SCN9A: variants seen among roughly 807,000 people sequenced by gnomAD.
SCN9A encodes the protein sodium voltage-gated channel alpha subunit 9.
In SCN9A, 131 loss-of-function variants were observed where a neutral mutation model predicts 187.0. The observed-to-expected ratio is 0.70, with a 90% confidence interval of 0.61 to 0.81. The LOEUF is 0.81. Ranked by LOEUF, SCN9A falls within the 30% of genes least tolerant of loss-of-function variation. SCN9A has a pLI of 0.00. For missense variants in SCN9A, 2,252 were observed against 2,396.6 expected, an observed-to-expected ratio of 0.94 and a Z score of 1.26; for synonymous variants, 809 against 808.6, an observed-to-expected ratio of 1.00 and a Z score of -0.01.
chr2:166,258,127 G>A (rs1484020388), intron 17 of SCN9A, among the ~76,000 whole-genome samples: 2 of 151,360 alleles, frequency 1.3e-5, no homozygotes, highest in Non-Finnish European at 3.0e-5. Context: ...TTATAAAAAG[G>A]AGTCAAGATT....
chr2:166,280,609 G>T lies in SCN9A; in HGVS notation c.2105-14C>A, dbSNP rs6432893. The T allele has an allele frequency of 2.7e-6, 4 of 1,496,568 alleles. No homozygotes were observed. Among genetic ancestry groups the T allele is most frequent in the Non-Finnish European group, 3.6e-6 (4 of 1,097,030 alleles). The allele number at this position is 1,496,568 out of a possible 1,614,324, so 92.7% of individuals were successfully genotyped here. ...ACTCTTCAAGTTCTGGGAGAAAAAA[G>T]CAGAGAACATGGAGTCAGCCATTTG... On this transcript the variant is annotated splice_polypyrimidine_tract_variant and intron_variant, in intron 13 of 26. Coordinates refer to ENST00000642356, the MANE Select transcript of SCN9A (RefSeq NM_001365536.1).
At chr2:166,250,292 A>G (rs1330847366) in intron 18 of SCN9A, among the ~76,000 whole-genome samples, 1 of 152,178 alleles carries the variant, frequency 6.6e-6, no homozygotes, top group Non-Finnish European at 1.5e-5. Context: ...AGTCATTAGC[A>G]TCTGTGCTAT....
In SCN9A at chr2:166,353,525, T is replaced by A. The variant is rs952463; in HGVS notation, c.-51+22172A>T. On this transcript the variant is annotated intron_variant, in intron 1 of 26. Transcript: ENST00000642356. ...GCAGTCTACATTCCAGCTACATTAT[T>A]CTACGTTTAATTTCCCCAAAGGTCA... Among the ~76,000 whole-genome samples, 586 of 152,312 alleles carry A rather than the reference T, an allele frequency of 3.8e-3. 17 individuals carry two copies. In the East Asian group the frequency reaches 0.076, roughly 20 times the overall value.
chr2:166,357,935 CCCCA>C (rs1700188827), intron 1 of SCN9A, among the ~76,000 whole-genome samples: 2 of 152,068 alleles, frequency 1.3e-5, no homozygotes, highest in South Asian at 4.1e-4. Context: ...TCCATGCTCT[CCCCA>C]AACAATGTGT....
At chr2:166,358,282 C>A (rs1176487601) in intron 1 of SCN9A, among the ~76,000 whole-genome samples, 1 of 151,888 alleles carries the variant, frequency 6.6e-6, no homozygotes, top group African/African-American at 2.4e-5. Flanking sequence ...GTTGGCCAGG[C>A]TGGTCTCCAA....
At chr2:166,366,648 C>T (rs1700424246) in intron 1 of SCN9A, among the ~76,000 whole-genome samples, 1 of 152,178 alleles carries the variant, frequency 6.6e-6, no homozygotes, top group East Asian at 1.9e-4. Context: ...ACATTCTCAA[C>T]AACACCTTTC....
chr2:166,368,780 G>A (rs1029687184), intron 1 of SCN9A, among the ~76,000 whole-genome samples: 1 of 151,556 alleles, frequency 6.6e-6, no homozygotes, highest in Non-Finnish European at 1.5e-5. Context: ...CTGAACTCAG[G>A]AGTTCAAGAC....
intron 26 of SCN9A, among the ~76,000 whole-genome samples, chr2:166,203,382 G>A (rs1036906918): frequency 3.3e-5 from 5 of 151,842 alleles, no homozygotes; most frequent in Admixed American, 6.6e-5. Flanking sequence ...GGCAATGAAT[G>A]TATAGGAAGT....
At chr2:166,290,699 G>A (rs193147207) in intron 9 of SCN9A, among the ~76,000 whole-genome samples, 173 of 151,894 alleles carry the variant, frequency 1.1e-3, no homozygotes, top group African/African-American at 3.4e-3. Flanking sequence ...TTTTTTGGCC[G>A]CATAAATGTC....
At chr2:166,346,782 A>G (rs1319871529) in intron 1 of SCN9A, among the ~76,000 whole-genome samples, 2 of 152,222 alleles carry the variant, frequency 1.3e-5, no homozygotes, top group Admixed American at 6.5e-5. Flanking sequence ...AAGCTCATTG[A>G]AAAGTATATG....
At chr2:166,336,643 C>G (rs967218445) in intron 1 of SCN9A, among the ~76,000 whole-genome samples, 3 of 152,090 alleles carry the variant, frequency 2.0e-5, no homozygotes, top group Non-Finnish European at 4.4e-5. Flanking sequence ...GCTCTAATTG[C>G]TTTGTTTACA....
At chr2:166,364,747 T>C (rs953018358) in intron 1 of SCN9A, among the ~76,000 whole-genome samples, 14 of 152,192 alleles carry the variant, frequency 9.2e-5, no homozygotes, top group Non-Finnish European at 1.9e-4. Context: ...GTTCTGAAGA[T>C]GGATGGTGGT....
At chr2:166,330,153 A>C (rs759520309) in intron 1 of SCN9A, among the ~76,000 whole-genome samples, 20 of 152,192 alleles carry the variant, frequency 1.3e-4, no homozygotes, top group Non-Finnish European at 2.8e-4. Context: ...GGATAATATC[A>C]ACCAAAGTTC....
intron 1 of SCN9A, among the ~76,000 whole-genome samples, chr2:166,367,914 G>T (rs1023778091): frequency 6.6e-6 from 1 of 151,840 alleles, no homozygotes; most frequent in Non-Finnish European, 1.5e-5. Flanking sequence ...TTCTTTTTTT[G>T]TTGTTTTCTA....
chr2:166,243,703 A>G (rs936580843), intron 18 of SCN9A, among the ~76,000 whole-genome samples: 2 of 152,074 alleles, frequency 1.3e-5, no homozygotes, highest in African/African-American at 4.8e-5. Context: ...AATTGGTCAG[A>G]TTATGGAAAG....
At chr2:166,304,413 T>C in intron 5 of SCN9A, 84 bp from the exon 6 acceptor site, 1 of 1,165,854 alleles carries the variant, frequency 8.6e-7, no homozygotes, top group South Asian at 1.4e-5. Context: ...ATTTTCTACG[T>C]TTGGGGCTTC....
rs373721969 is a variant in SCN9A at position 166,200,036 on chromosome 2, C to T, written c.4775-172G>A. 6.4e-3 allele frequency among the ~76,000 whole-genome samples: 630 copies of T among 97,916 alleles called. 4 individuals carry two copies. The highest frequency in any genetic ancestry group is 0.025 in the African/African-American group (611 of 24,068). 64.2% of individuals were successfully genotyped at this position (97,916 alleles called of 152,430 possible). Reference sequence around the variant, plus strand: ...TTTTTGAGACGGAGTCTCGCTCTGTCGCCCAGGCTGGAGTGCAGTGGCGCG... The same window carrying T: ...TTTTTGAGACGGAGTCTCGCTCTGTTGCCCAGGCTGGAGTGCAGTGGCGCG... On this transcript the variant is annotated intron_variant, in intron 26 of 26. Coordinates refer to ENST00000642356, the MANE Select transcript of SCN9A (RefSeq NM_001365536.1).
At position 166,228,247 on chromosome 2, in the gene SCN9A, C is replaced by CTTTTTT. The variant is rs33924683; in HGVS notation, c.4206+438_4206+443dup. On this transcript the variant is annotated intron_variant, in intron 22 of 26. Coordinates refer to ENST00000642356, the MANE Select transcript of SCN9A (RefSeq NM_001365536.1). ...GAACATGTTCTAGGAAAGACCAACA[C>CTTTTTT]TTTTTTTTTTTTTTTTTTTTTTTTT... Among the ~76,000 whole-genome samples the CTTTTTT allele has an allele frequency of 1.3e-4, 11 of 85,996 alleles. No homozygotes were observed. In the East Asian group the frequency reaches 1.4e-3, roughly 11 times the overall value. 56.4% of individuals were successfully genotyped at this position (85,996 alleles called of 152,430 possible). A position where few individuals can be genotyped will look rare whatever the true frequency, so the allele number is the denominator to read the frequency against.
At chr2:166,215,716 T>C (rs1694301551) in intron 24 of SCN9A, among the ~76,000 whole-genome samples, 1 of 143,374 alleles carries the variant, frequency 7.0e-6, no homozygotes, top group Non-Finnish European at 1.5e-5. Flanking sequence ...CAAGAAATAT[T>C]ACATCTGAAC....
Sources: allele counts gnomAD v4.1 joint callset (sites outside exome capture counted in the v4.1 genomes callset), GRCh38; gene constraint gnomAD v4.1.1; transcripts MANE v1.5; gene names NCBI Gene and HGNC (gene_info 2026-07-23, HGNC 2026-07-21).